The following P4HTM variants were observed in gnomAD, a reference collection of about 807,000 sequenced individuals.
P4HTM encodes the protein prolyl 4-hydroxylase, transmembrane.
P4HTM carries 33 observed loss-of-function variants against 55.3 expected under a neutral mutation model. The observed-to-expected ratio is 0.60, with a 90% confidence interval of 0.45 to 0.80. P4HTM has a LOEUF of 0.80. Ranked by LOEUF, P4HTM falls within the 30% of genes least tolerant of loss-of-function variation. The pLI is 0.00. For missense variants in P4HTM, 542 were observed against 696.5 expected, an observed-to-expected ratio of 0.78 and a Z score of 2.50; for synonymous variants, 272 against 286.4, an observed-to-expected ratio of 0.95 and a Z score of 0.51.
Position 49,001,528 on chromosome 3 carries a change from C to T in P4HTM, c.527C>T (p.Thr176Ile). Residue 176 changes from threonine to isoleucine, a missense_variant, in exon 3 of 9, where the codon ACT becomes ATT. By Grantham distance (89) the Thr-to-Ile change is moderately conservative. Coordinates refer to ENST00000383729, the MANE Select transcript of P4HTM (RefSeq NM_177939.3). ...KGLQRSQILP[T>I]EEYEEAMSTM... Reference sequence around the variant, plus strand: ...TTACAGCGCAGCCAGATCCTGCCTACTGAAGAGTATGAAGAGGCAATGAGC... The same window carrying T: ...TTACAGCGCAGCCAGATCCTGCCTATTGAAGAGTATGAAGAGGCAATGAGC... The T allele has an allele frequency of 6.2e-7, 1 of 1,613,882 alleles. No homozygotes were observed. Among genetic ancestry groups the T allele is most frequent in the East Asian group, 2.2e-5 (1 of 44,888 alleles).
chr3:48,995,736 CCA>C (rs1279845197), intron 2 of P4HTM, among the ~76,000 whole-genome samples: 1 of 152,196 alleles, frequency 6.6e-6, no homozygotes, highest in Non-Finnish European at 1.5e-5. Flanking sequence ...CAGGCGCCTG[CCA>C]CCATGCCCAG....
chr3:49,002,880 G>A lies in P4HTM; in HGVS notation c.724+284G>A, dbSNP rs1353274747. The A allele has an allele frequency of 4.1e-6, 2 of 487,394 alleles. No homozygotes were observed. The highest frequency in any genetic ancestry group is 3.9e-5 in the African/African-American group (2 of 51,294). The allele number at this position is 487,394 out of a possible 1,614,324, so 30.2% of individuals were successfully genotyped here. A position where few individuals can be genotyped will look rare whatever the true frequency, so the allele number is the denominator to read the frequency against. On this transcript the variant is annotated intron_variant, in intron 4 of 8. Coordinates refer to ENST00000383729, the MANE Select transcript of P4HTM (RefSeq NM_177939.3). This position sits in a 1 kb window ranked among gnomAD's most constrained non-coding sequence, Gnocchi z 4.4. ...TTGAGAGCCTGGGGACAGGAAGTAG[G>A]GCTGCTAGTTGGCAGAGAACAGAGT...
chr3:48,992,866 C>T lies in P4HTM; in HGVS notation c.436+1952C>T, dbSNP rs376881308. Reference sequence around the variant, plus strand: ...ATTTTTAGTAGAGACGGGCTTTCACCGTGTTAGCCAGGATGGTCTCAATCT... The same window carrying T: ...ATTTTTAGTAGAGACGGGCTTTCACTGTGTTAGCCAGGATGGTCTCAATCT... On this transcript the variant is annotated intron_variant, in intron 2 of 8. Coordinates refer to ENST00000383729, the MANE Select transcript of P4HTM (RefSeq NM_177939.3). 8.6e-5 allele frequency among the ~76,000 whole-genome samples: 13 copies of T among 151,510 alleles called. No homozygotes were observed. In the South Asian group the frequency reaches 2.7e-3, roughly 32 times the overall value.
Position 49,004,850 on chromosome 3 carries a change from C to T in P4HTM, c.888-11C>T, listed in dbSNP as rs780615684. The T allele has an allele frequency of 1.8e-5, 28 of 1,597,054 alleles. No individual in the cohort carries two copies. The highest frequency in any genetic ancestry group is 4.0e-5 in the African/African-American group (3 of 74,794). On this transcript the variant is annotated splice_polypyrimidine_tract_variant and intron_variant, in intron 5 of 8. Transcript: ENST00000383729. Reference sequence around the variant, plus strand: ...CTGGGGCTGCCCAGCCAAATGCCTGCTGCCCACCAGGGTGCTGCGCCTCAC... The same window carrying T: ...CTGGGGCTGCCCAGCCAAATGCCTGTTGCCCACCAGGGTGCTGCGCCTCAC...
At position 49,006,869 on chromosome 3, in the gene P4HTM, C is replaced by T. The variant is rs763622673; in HGVS notation, c.1471C>T (p.Leu491=). The T allele has an allele frequency of 8.3e-5, 134 of 1,612,868 alleles. 1 individual carries two copies. The South Asian group carries it at 1.4e-3, about 17-fold the overall frequency. Residue 491 remains leucine, a synonymous_variant, in exon 9 of 9, where the codon CTG becomes TTG. Transcript: ENST00000383729. ...CACCGACTCACAGCCCGAGTGGGCT[C>T]TGGACCGGGCCTACCGCGATGCGCG... The part of the protein sequence containing the change: ...GGTDSQPEWA[L]DRAYRDARVE...
Position 48,990,633 on chromosome 3 carries a change from G to A in P4HTM, c.354+23G>A, listed in dbSNP as rs1199969355. On this transcript the variant is annotated intron_variant, in intron 1 of 8. Coordinates refer to ENST00000383729, the MANE Select transcript of P4HTM (RefSeq NM_177939.3). This position sits in a 1 kb window ranked among gnomAD's most constrained non-coding sequence, Gnocchi z 7.2. ...AAGGTGAGGACCTCCCTGCCCCGCCGCGCTCCAGGCCCTGCACGGCTGAGC... is the reference window on the plus strand; with the variant it reads ...AAGGTGAGGACCTCCCTGCCCCGCCACGCTCCAGGCCCTGCACGGCTGAGC... 1.3e-6 allele frequency: 2 copies of A among 1,531,488 alleles called. No homozygotes were observed. The highest frequency in any genetic ancestry group is 1.8e-6 in the Non-Finnish European group (2 of 1,137,722). 94.9% of individuals were successfully genotyped at this position (1,531,488 alleles called of 1,614,324 possible). A position where few individuals can be genotyped will look rare whatever the true frequency, so the allele number is the denominator to read the frequency against.
At chr3:49,003,726 T>TC (rs1051389457) in intron 4 of P4HTM, 5 of 182,752 alleles carry the variant, frequency 2.7e-5, no homozygotes, top group Non-Finnish European at 5.7e-5. Flanking sequence ...CTCCTCACCC[T>TC]CCACAGGCCG....
rs899125807 is a variant in P4HTM at position 49,005,482 on chromosome 3, G to A, written c.1074-295G>A. The A allele has an allele frequency of 1.2e-4, 155 of 1,346,156 alleles. 1 individual carries two copies. Among genetic ancestry groups the A allele is most frequent in the Middle Eastern group, 2.7e-4 (1 of 3,698 alleles). 83.4% of individuals were successfully genotyped at this position (1,346,156 alleles called of 1,614,324 possible). A position where few individuals can be genotyped will look rare whatever the true frequency, so the allele number is the denominator to read the frequency against. On this transcript the variant is annotated intron_variant, in intron 6 of 8. Transcript: ENST00000383729. ...CCATCCCCAAGGAGCCCTTCAGCGC[G>A]CCCTGTTGCTTCTGCTAGCCTACCT...
In P4HTM at chr3:49,006,857, C is replaced by T. The variant is rs200144003; in HGVS notation, c.1459C>T (p.Pro487Ser). 5.5e-5 allele frequency: 89 copies of T among 1,613,142 alleles called. No individual in the cohort carries two copies. The African/African-American group carries it at 1.1e-3, about 21-fold the overall frequency. Reference protein sequence around the residue: ...LAREGGTDSQPEWALDRAYRD... With the variant: ...LAREGGTDSQSEWALDRAYRD... ...CCGAGAAGGGGGCACCGACTCACAG[C>T]CCGAGTGGGCTCTGGACCGGGCCTA... The change falls in exon 9 of 9, where the codon CCC becomes TCC. Residue 487 changes from proline to serine, a missense_variant. Around this residue, in one of 2 missense-constraint regions of P4HTM, gnomAD observed 536 missense variants for 672.1 expected, o/e 0.80. Coordinates refer to ENST00000383729, the MANE Select transcript of P4HTM (RefSeq NM_177939.3).
At position 49,004,900 on chromosome 3, in the gene P4HTM, G is replaced by A. The variant is rs767420637; in HGVS notation, c.927G>A (p.Glu309=). Residue 309 remains glutamate (E), a synonymous_variant, in exon 6 of 9, where the codon GAG becomes GAA. Transcript: ENST00000383729. ...RLTRLSPEIV[E]LSEPLQVVRY... The stretch of plus-strand genomic sequence containing the variant: ...CTCGCCTGTCGCCTGAGATCGTGGA[G>A]CTCAGCGAGCCGCTGCAGGTTGTTC... The A allele has an allele frequency of 6.2e-7, 1 of 1,612,152 alleles. No individual in the cohort carries two copies.
rs1576601503 is a variant in P4HTM at position 48,990,538 on chromosome 3, G to GC, written c.286dup (p.Gln96ProfsTer29). On this transcript the variant is annotated frameshift_variant, in exon 1 of 9. Coordinates refer to ENST00000383729, the MANE Select transcript of P4HTM (RefSeq NM_177939.3). LOFTEE classifies it high-confidence loss of function. This position sits in a 1 kb window ranked among gnomAD's most constrained non-coding sequence, Gnocchi z 7.2. The stretch of plus-strand genomic sequence containing the variant: ...ACGGCGACGAAAGCAGCGATCCCGG[G>GC]CCCCAACACCGTGCCCAGGGCCCCG... 30 of 1,610,504 alleles carry GC rather than the reference G, an allele frequency of 1.9e-5. No homozygotes were observed. Among genetic ancestry groups the GC allele is most frequent in the Non-Finnish European group, 2.5e-5 (30 of 1,179,254 alleles).
upstream of P4HTM, chr3:48,990,213 A>T: frequency 8.8e-7 from 1 of 1,140,166 alleles, no homozygotes; most frequent in Non-Finnish European, 1.1e-6. This position sits in a 1 kb window ranked among gnomAD's most constrained non-coding sequence, Gnocchi z 7.2. Context: ...CAGCGCGGGC[A>T]CCCCCGCGGC....
chr3:48,990,787 A>C lies in P4HTM; in HGVS notation c.355-46A>C, dbSNP rs1241745961. ...CGGGGCGACTTGGCCCTTCTTGGGC[A>C]GCGCGGTCTGGCGCCCCAGCTGCCC... On this transcript the variant is annotated intron_variant, in intron 1 of 8. Transcript: ENST00000383729. This position sits in a 1 kb window ranked among gnomAD's most constrained non-coding sequence, Gnocchi z 7.2. 2.5e-6 allele frequency: 4 copies of C among 1,581,268 alleles called. No homozygotes were observed. Among genetic ancestry groups the C allele is most frequent in the Admixed American group, 1.7e-5 (1 of 59,486 alleles).
At position 49,006,963 on chromosome 3, in the gene P4HTM, G is replaced by C; in HGVS notation, c.*56G>C. On this transcript the variant is annotated 3_prime_UTR_variant, in exon 9 of 9. Coordinates refer to ENST00000383729, the MANE Select transcript of P4HTM (RefSeq NM_177939.3). Reference sequence around the variant, plus strand: ...GGTCGCCAGTTGCCCAAGATCAGGGGTCCGGCTGTCCTTCTGTCCTGCTGC... The same window carrying C: ...GGTCGCCAGTTGCCCAAGATCAGGGCTCCGGCTGTCCTTCTGTCCTGCTGC... 7.2e-7 allele frequency: 1 copy of C among 1,388,216 alleles called. No individual in the cohort carries two copies. The highest frequency in any genetic ancestry group is 1.0e-6 in the Non-Finnish European group (1 of 1,002,616). 86.0% of individuals were successfully genotyped at this position (1,388,216 alleles called of 1,614,324 possible). A position where few individuals can be genotyped will look rare whatever the true frequency, so the allele number is the denominator to read the frequency against.
At position 48,990,900 on chromosome 3, in the gene P4HTM, A is replaced by G; in HGVS notation, c.422A>G (p.Lys141Arg). The change falls in exon 2 of 9, where the codon AAG becomes AGG. Residue 141 changes from lysine (K) to arginine (R), a missense_variant. Physicochemically the swap from Lys to Arg is conservative, Grantham distance 26 (BLOSUM62 2). Transcript: ENST00000383729. This position sits in a 1 kb window ranked among gnomAD's most constrained non-coding sequence, Gnocchi z 7.2. ...CACTTCATCCGAACCCTCAGCCTCA[A>G]GCCGCTGCTCTTCGGTAAGTCCGCC... ...RDHFIRTLSL[K>R]PLLFEIPGFL... 1 of 1,613,788 alleles carries G rather than the reference A, an allele frequency of 6.2e-7. No individual in the cohort carries two copies. Among genetic ancestry groups the G allele is most frequent in the Non-Finnish European group, 8.5e-7 (1 of 1,179,838 alleles).
At position 49,006,824 on chromosome 3, in the gene P4HTM, C is replaced by T. The variant is rs1205695842; in HGVS notation, c.1426C>T (p.Arg476Cys). ...RQALFQQEMA[R>C]LAREGGTDSQ... ...AGCGCTGTTCCAACAGGAGATGGCC[C>T]GCCTTGCCCGAGAAGGGGGCACCGA... Residue 476 changes from arginine (R) to cysteine (C), a missense_variant, in exon 9 of 9, where the codon CGC (arginine) becomes TGC (cysteine). Coordinates refer to ENST00000383729, the MANE Select transcript of P4HTM (RefSeq NM_177939.3). 1 of 1,613,258 alleles carries T rather than the reference C, an allele frequency of 6.2e-7. No individual in the cohort carries two copies. Among genetic ancestry groups the T allele is most frequent in the Non-Finnish European group, 8.5e-7 (1 of 1,180,034 alleles).
In P4HTM at chr3:48,990,431, G is replaced by A; in HGVS notation, c.175G>A (p.Ala59Thr). 1 of 1,607,718 alleles carries A rather than the reference G, an allele frequency of 6.2e-7. No homozygotes were observed. The highest frequency in any genetic ancestry group is 8.5e-7 in the Non-Finnish European group (1 of 1,178,896). ...CAAGCCCCGCGGCATCTGCTCGCGC[G>A]CCTACTTCCTGGTGCTGATGGTGTT... Reference protein sequence around the residue: ...LCKPRGICSRAYFLVLMVFVH... With the variant: ...LCKPRGICSRTYFLVLMVFVH... Residue 59 changes from alanine to threonine, a missense_variant, in exon 1 of 9, where the codon GCC (alanine) becomes ACC (threonine). Transcript: ENST00000383729. This position sits in a 1 kb window ranked among gnomAD's most constrained non-coding sequence, Gnocchi z 7.2.
In P4HTM at chr3:48,990,716, C is replaced by T. The variant is rs978151447; in HGVS notation, c.354+106C>T. The T allele has an allele frequency of 7.5e-6, 11 of 1,464,426 alleles. No individual in the cohort carries two copies. The South Asian group carries it at 1.0e-4, about 14-fold the overall frequency. 90.7% of individuals were successfully genotyped at this position (1,464,426 alleles called of 1,614,324 possible). ...CGCTGCCCCCGGCGCTGCTCTGCGT[C>T]GGTCCCGCGCGCTCCCACTCACTCG... On this transcript the variant is annotated intron_variant, in intron 1 of 8. Coordinates refer to ENST00000383729, the MANE Select transcript of P4HTM (RefSeq NM_177939.3). The surrounding 1 kb of genome is among the most constrained non-coding windows in gnomAD (Gnocchi z 7.2).
In P4HTM at chr3:49,002,056, G is replaced by A. The variant is rs576067656; in HGVS notation, c.627+428G>A. ...GAGAGAAGTCTGGCAGGGTGGTGGT[G>A]CGGGGCACTGCCCACACAGAACACC... On this transcript the variant is annotated intron_variant, in intron 3 of 8. Coordinates refer to ENST00000383729, the MANE Select transcript of P4HTM (RefSeq NM_177939.3). The surrounding 1 kb of genome is among the most constrained non-coding windows in gnomAD (Gnocchi z 4.4). 6.6e-5 allele frequency among the ~76,000 whole-genome samples: 10 copies of A among 152,336 alleles called. No homozygotes were observed. The South Asian group carries it at 1.9e-3, about 28-fold the overall frequency.
Sources: gnomAD v4.1 joint callset for allele counts (sites outside exome capture counted in the v4.1 genomes callset) on GRCh38, gnomAD v4.1.1 for gene constraint, gnomAD v4.1.1 regional missense constraint, Gnocchi (gnomAD v3.1) non-coding constraint, MANE v1.5 for transcripts, NCBI Gene and HGNC (gene_info 2026-07-23, HGNC 2026-07-21) for gene names.